WRAP73: variants seen among roughly 807,000 people sequenced by gnomAD.
WRAP73 encodes the protein WD repeat-containing protein WRAP73.
In WRAP73, 55 loss-of-function variants were observed where a neutral mutation model predicts 59.6. The ratio of observed to expected loss-of-function variants is 0.92; its 90% CI spans 0.74 to 1.15. WRAP73 has a LOEUF of 1.15. Ranked by LOEUF, WRAP73 falls within the 50% of genes most tolerant of loss-of-function variation. The pLI is 0.00. For synonymous variants in WRAP73, 265 were observed against 258.2 expected, an observed-to-expected ratio of 1.03 and a Z score of -0.25; for missense variants, 592 against 608.1, an observed-to-expected ratio of 0.97 and a Z score of 0.28.
At chr1:3,645,553 G>A (rs1191506591) in intron 3 of WRAP73, among the ~76,000 whole-genome samples, 1 of 151,982 alleles carries the variant, frequency 6.6e-6, no homozygotes, top group South Asian at 2.1e-4. Flanking sequence ...GGATGGGCGG[G>A]TTACCGAGGT....
chr1:3,649,961 G>A lies in WRAP73; in HGVS notation c.39C>T (p.Leu13=). The stretch of plus-strand genomic sequence containing the variant: ...ACTTGCCGTCCGGGGAGAACTTGCA[G>A]AGTAAGCTGGAGAGCTTGAATACCT... The part of the protein sequence containing the change: ...FSEVFKLSSL[L]CKFSPDGKYL... The change falls in exon 1 of 12, where the codon CTC becomes CTT. Residue 13 remains leucine (L), a synonymous_variant. Coordinates refer to ENST00000270708, the MANE Select transcript of WRAP73 (RefSeq NM_017818.4). The A allele has an allele frequency of 6.2e-7, 1 of 1,603,566 alleles. No individual in the cohort carries two copies. The highest frequency in any genetic ancestry group is 8.5e-7 in the Non-Finnish European group (1 of 1,176,338).
chr1:3,631,226 A>G, intron 11 of WRAP73, 109 bp from the exon 12 acceptor site: 1 of 1,524,588 alleles, frequency 6.6e-7, no homozygotes, highest in Non-Finnish European at 8.9e-7. Flanking sequence ...TGACCCACAT[A>G]GGCAGAGCCA....
Position 3,632,302 on chromosome 1 carries a change from A to G in WRAP73, c.959T>C (p.Leu320Pro). The change falls in exon 10 of 12, where the codon CTG becomes CCG. Residue 320 changes from leucine (L) to proline (P), a missense_variant. Physicochemically the swap from Leu to Pro is moderately conservative, Grantham distance 98 (BLOSUM62 -3). Transcript: ENST00000270708. The stretch of plus-strand genomic sequence containing the variant: ...GTTTGCTCTGTCGGTAACAGGTTTC[A>G]GTGTCTGTAAGGAGACTGGGACAGA... ...IASVPVSLQT[L>P]KPVTDRANPK... The G allele has an allele frequency of 6.2e-7, 1 of 1,614,138 alleles. No individual in the cohort carries two copies. Among genetic ancestry groups the G allele is most frequent in the South Asian group, 1.1e-5 (1 of 91,086 alleles).
rs763422361 is a variant in WRAP73 at position 3,633,415 on chromosome 1, G to A, written c.905C>T (p.Pro302Leu). ...PPPRAGAGPL[P>L]SSESKYEIAS... ...CTACTTACATTTACTCTCTGAGCTC[G>A]GGAGAGGGCCGGCCCCGGCCCGGGG... Residue 302 changes from proline to leucine, a missense_variant, in exon 9 of 12, where the codon CCG (proline) becomes CTG (leucine). Transcript: ENST00000270708. 24 of 1,612,760 alleles carry A rather than the reference G, an allele frequency of 1.5e-5. No homozygotes were observed. The highest frequency in any genetic ancestry group is 6.6e-5 in the South Asian group (6 of 91,078).
In WRAP73 at chr1:3,647,450, C is replaced by T; in HGVS notation, c.180G>A (p.Ser60=). 2 of 1,613,852 alleles carry T rather than the reference C, an allele frequency of 1.2e-6. No individual in the cohort carries two copies. The highest frequency in any genetic ancestry group is 8.5e-7 in the Non-Finnish European group (1 of 1,179,890). The change falls in exon 2 of 12, where the codon TCG becomes TCA. Residue 60 remains serine (S), a synonymous_variant. Coordinates refer to ENST00000270708, the MANE Select transcript of WRAP73 (RefSeq NM_017818.4). ...QIQHIEWSAD[S]LFILCAMYKR... ...TGTACATGGCGCACAGGATGAAGAGCGAGTCTGCCGACCACTCGATGTGCT... is the reference window on the plus strand; with the variant it reads ...TGTACATGGCGCACAGGATGAAGAGTGAGTCTGCCGACCACTCGATGTGCT...
At chr1:3,640,995 CAAAG>C (rs1557461021) in intron 3 of WRAP73, among the ~76,000 whole-genome samples, 1 of 152,188 alleles carries the variant, frequency 6.6e-6, no homozygotes. Context: ...CTCACAAAAA[CAAAG>C]AAACAAAAAC....
intron 6 of WRAP73, 98 bp from the exon 7 acceptor site, chr1:3,635,392 A>C: frequency 1.3e-6 from 2 of 1,535,226 alleles, no homozygotes; most frequent in Non-Finnish European, 1.8e-6. Flanking sequence ...TGCAGATAGC[A>C]CAAAGCTGGC....
intron 1 of WRAP73, among the ~76,000 whole-genome samples, chr1:3,649,641 C>T (rs1644721694): frequency 1.3e-5 from 2 of 150,904 alleles, no homozygotes; most frequent in South Asian, 4.2e-4. Context: ...GGGGTACCTG[C>T]CTGGGCCCCG....
chr1:3,634,671 G>A (rs767703237), intron 8 of WRAP73: 7 of 357,494 alleles, frequency 2.0e-5, no homozygotes, highest in Non-Finnish European at 3.2e-5. Context: ...CAGATGCCCA[G>A]TGTTTGGGGG....
Position 3,633,471 on chromosome 1 carries a change from C to T in WRAP73, c.849G>A (p.Gln283=). 1.2e-6 allele frequency: 2 copies of T among 1,610,068 alleles called. No individual in the cohort carries two copies. Among genetic ancestry groups the T allele is most frequent in the Non-Finnish European group, 1.7e-6 (2 of 1,179,184 alleles). Residue 283 remains glutamine (Q), a synonymous_variant, in exon 9 of 12, where the codon CAG becomes CAA. Transcript: ENST00000270708. Reference sequence around the variant, plus strand: ...GGAAGGAGAGGCAGCCCAGTCCCAGCTGTGGGCTCTTCTCGGCCTCCTTAT... The same window carrying T: ...GGAAGGAGAGGCAGCCCAGTCCCAGTTGTGGGCTCTTCTCGGCCTCCTTAT... ...VVYKEAEKSP[Q]LGLGCLSFPP... is the part of the protein sequence containing the mutation.
At chr1:3,637,129 A>C in intron 4 of WRAP73, 31 bp from the exon 5 acceptor site, 1 of 1,565,690 alleles carries the variant, frequency 6.4e-7, no homozygotes, top group Non-Finnish European at 8.7e-7. Context: ...ACTGAAATCA[A>C]GCGGCCACAA....
At chr1:3,637,159 C>T in intron 4 of WRAP73, 61 bp from the exon 5 acceptor site, 1 of 1,398,250 alleles carries the variant, frequency 7.2e-7, no homozygotes, top group Non-Finnish European at 9.9e-7. Context: ...AGAGAAACCA[C>T]AGTAGTAATT....
At chr1:3,638,146 CAA>C (rs35627483) in intron 4 of WRAP73, among the ~76,000 whole-genome samples, 1 of 152,334 alleles carries the variant, frequency 6.6e-6, no homozygotes, top group East Asian at 1.9e-4. Flanking sequence ...TTTCATTCCG[CAA>C]AAAGACAGTG....
rs1644576976 is a variant in WRAP73, at chr1:3,635,090, A to G, written c.739-16T>C. On this transcript the variant is annotated splice_polypyrimidine_tract_variant and intron_variant, in intron 7 of 11. Transcript: ENST00000270708. ...GGATGCGCACCTGAGGAAGGAAACC[A>G]TGCACAGGTGAGGCAGGGCCCGGCC... 6.2e-6 allele frequency: 10 copies of G among 1,614,196 alleles called. No homozygotes were observed. Among genetic ancestry groups the G allele is most frequent in the Non-Finnish European group, 8.5e-6 (10 of 1,180,030 alleles).
chr1:3,643,211 C>T (rs571832452), intron 3 of WRAP73, among the ~76,000 whole-genome samples: 2 of 152,260 alleles, frequency 1.3e-5, no homozygotes, highest in South Asian at 4.1e-4. Flanking sequence ...ACAGCAGAGA[C>T]TGCAAAGTAC....
chr1:3,635,131 C>G (rs921905140), intron 7 of WRAP73, 29 bp downstream of exon 7: 6 of 1,614,158 alleles, frequency 3.7e-6, no homozygotes, highest in Non-Finnish European at 5.1e-6. Context: ...GGCGGTCGGA[C>G]TTCCTGAGTG....
intron 9 of WRAP73, 148 bp downstream of exon 9, chr1:3,633,250 C>T (rs1644556115): frequency 1.3e-6 from 1 of 759,068 alleles, no homozygotes; most frequent in East Asian, 2.5e-5. Context: ...CAACCTCCAG[C>T]CAACAGGCTG....
intron 11 of WRAP73, 30 bp from the exon 12 acceptor site, chr1:3,631,147 C>T: frequency 1.2e-6 from 2 of 1,612,146 alleles, no homozygotes; most frequent in Non-Finnish European, 1.7e-6. Context: ...CAGAGGATTA[C>T]AGCAGGGGAG....
chr1:3,638,971 C>T (rs934093745), intron 3 of WRAP73, 149 bp from the exon 4 acceptor site: 18 of 731,220 alleles, frequency 2.5e-5, no homozygotes, highest in Non-Finnish European at 3.4e-5. Context: ...GCCCTCCTAC[C>T]GGAATATTCA....
Sources: allele counts gnomAD v4.1 joint callset (sites outside exome capture counted in the v4.1 genomes callset), GRCh38; gene constraint gnomAD v4.1.1; transcripts MANE v1.5; gene names NCBI Gene and HGNC (gene_info 2026-07-23, HGNC 2026-07-21).